Variants in CR1 observed in about 807,000 individuals in gnomAD.
CR1 encodes the protein complement receptor type 1.
CR1 carries 116 observed loss-of-function variants against 187.3 expected under a neutral mutation model. That is an observed-to-expected ratio of 0.62 (90% CI 0.53 to 0.72). CR1 has a LOEUF of 0.72. CR1 is among the 30% of genes least tolerant of loss of function. The pLI is 0.00. For missense variants in CR1, 1,731 were observed against 2,110.7 expected (o/e 0.82, Z 3.52); for synonymous variants, 576 against 747.1 (o/e 0.77, Z 3.73).
intron 5 of CR1, among the ~76,000 whole-genome samples, chr1:207,525,652 C>T (rs183017651): frequency 2.2e-3 from 330 of 151,614 alleles, no homozygotes; most frequent in African/African-American, 6.6e-3. Context: ...AACCAGAGCC[C>T]AGCTATCAAG....
At chr1:207,499,312 A>G (rs923944866) in intron 1 of CR1, among the ~76,000 whole-genome samples, 4 of 152,250 alleles carry the variant, frequency 2.6e-5, no homozygotes, top group Non-Finnish European at 5.9e-5. Context: ...AAGACGTAAC[A>G]ATATCCCATA....
chr1:207,515,260 C>T lies in CR1; in HGVS notation c.487+3606C>T, dbSNP rs61822966. On this transcript the variant is annotated intron_variant, in intron 4 of 46. Transcript: ENST00000367049. ...ATACATATACATATATAGGTATATACGTATACGTATACATATATAGGTATA... is the reference window on the plus strand; with the variant it reads ...ATACATATACATATATAGGTATATATGTATACGTATACATATATAGGTATA... Among the ~76,000 whole-genome samples the T allele has an allele frequency of 9.6e-3, 1,387 of 144,946 alleles. 10 individuals are homozygous for T. Among genetic ancestry groups the T allele is most frequent in the Non-Finnish European group, 0.015 (976 of 66,674 alleles).
chr1:207,518,155 T>G (rs1234170743), intron 4 of CR1, among the ~76,000 whole-genome samples: 2 of 152,324 alleles, frequency 1.3e-5, no homozygotes, highest in Middle Eastern at 3.4e-3. Context: ...TTTATTATCA[T>G]TGTACATAAA....
chr1:207,638,163 A>G (rs1415003491), intron 46 of CR1, among the ~76,000 whole-genome samples: 7 of 152,114 alleles, frequency 4.6e-5, no homozygotes, highest in Admixed American at 4.6e-4. Context: ...AGTTCTTTCA[A>G]CTATGGCCTG....
At chr1:207,585,024 G>A in intron 33 of CR1, 148 bp downstream of exon 33, 1 of 1,292,688 alleles carries the variant, frequency 7.7e-7, no homozygotes, top group Non-Finnish European at 1.1e-6. Context: ...AGCTAAAACA[G>A]ATGGGTTTCA....
At chr1:207,498,454 A>T (rs1409468865) in intron 1 of CR1, among the ~76,000 whole-genome samples, 1 of 152,228 alleles carries the variant, frequency 6.6e-6, no homozygotes, top group Admixed American at 6.5e-5. Flanking sequence ...GTGCTATTTG[A>T]AAGAGGACTT....
At chr1:207,610,218 C>T (rs1281545667) in intron 37 of CR1, among the ~76,000 whole-genome samples, 3 of 151,832 alleles carry the variant, frequency 2.0e-5, no homozygotes, top group African/African-American at 4.8e-5. Context: ...TTGCTCAAAT[C>T]CAAACAAATA....
At position 207,580,596 on chromosome 1, in the gene CR1, C is replaced by T. The variant is rs1660905920; in HGVS notation, c.5199C>T (p.Ser1733=). 1 of 1,613,192 alleles carries T rather than the reference C, an allele frequency of 6.2e-7. No individual in the cohort carries two copies. Among genetic ancestry groups the T allele is most frequent in the Non-Finnish European group, 8.5e-7 (1 of 1,179,730 alleles). ...PLNLQLGAKV[S]FVCDEGFRLK... is the part of the protein sequence containing the mutation. ...ATCTCCAGCTTGGGGCAAAGGTGTC[C>T]TTTGTCTGTGATGAAGGGTAAGTGT... The change falls in exon 31 of 47, where the codon TCC becomes TCT. Residue 1733 remains serine, a synonymous_variant. Coordinates refer to ENST00000367049, the MANE Select transcript of CR1 (RefSeq NM_000651.6).
At chr1:207,629,382 A>T (rs546286917) in intron 45 of CR1, among the ~76,000 whole-genome samples, 2 of 152,036 alleles carry the variant, frequency 1.3e-5, no homozygotes, top group South Asian at 4.2e-4. Flanking sequence ...CCAAAACCCC[A>T]TGTACCACTC....
At chr1:207,638,519 T>C (rs1014415038) in intron 46 of CR1, among the ~76,000 whole-genome samples, 1 of 152,190 alleles carries the variant, frequency 6.6e-6, no homozygotes, top group Non-Finnish European at 1.5e-5. Context: ...CAAACTGTTT[T>C]CCTTGAATAA....
intron 37 of CR1, among the ~76,000 whole-genome samples, chr1:207,611,370 G>C (rs944217541): frequency 1.3e-5 from 2 of 152,158 alleles, no homozygotes; most frequent in Admixed American, 1.3e-4. Flanking sequence ...CAAACCACCC[G>C]CACTCACGAC....
At chr1:207,513,784 T>TTTCCTTCC (rs1553287524) in intron 4 of CR1, among the ~76,000 whole-genome samples, 64 of 95,298 alleles carry the variant, frequency 6.7e-4, no homozygotes, top group African/African-American at 3.3e-3. Flanking sequence ...TCCTTCCTTC[T>TTTCCTTCC]TTCCTTCCTT....
chr1:207,523,957 G>A lies in CR1; in HGVS notation c.834G>A (p.Val278=). 2 of 1,611,800 alleles carry A rather than the reference G, an allele frequency of 1.2e-6. No individual in the cohort carries two copies. The highest frequency in any genetic ancestry group is 1.7e-6 in the Non-Finnish European group (2 of 1,179,714). The part of the protein sequence containing the change: ...PGFVMKGPRR[V]KCQALNKWEP... ...TTGTCATGAAAGGACCCCGCCGTGTGAAGTGCCAGGCCCTGAACAAATGGG... is the reference window on the plus strand; with the variant it reads ...TTGTCATGAAAGGACCCCGCCGTGTAAAGTGCCAGGCCCTGAACAAATGGG... The change falls in exon 5 of 47, where the codon GTG becomes GTA. Residue 278 remains valine, a synonymous_variant. Transcript: ENST00000367049.
chr1:207,628,775 A>G (rs1662558643), intron 45 of CR1, among the ~76,000 whole-genome samples: 1 of 152,088 alleles, frequency 6.6e-6, no homozygotes, highest in African/African-American at 2.4e-5. Flanking sequence ...TTTTCTCCCT[A>G]TATTTTACTG....
intron 4 of CR1, among the ~76,000 whole-genome samples, chr1:207,520,946 G>T: frequency 9.1e-6 from 1 of 109,546 alleles, no homozygotes; most frequent in African/African-American, 3.5e-5. Context: ...GCTTGGGTTT[G>T]CACATTTTTT....
At chr1:207,505,867 C>T in intron 1 of CR1, 37 bp from the exon 2 acceptor site, 1 of 1,575,666 alleles carries the variant, frequency 6.3e-7, no homozygotes, top group Middle Eastern at 1.7e-4. Context: ...GGTAATTTCT[C>T]CATTAACTTT....
intron 46 of CR1, among the ~76,000 whole-genome samples, chr1:207,632,559 C>A (rs1344273425): frequency 1.3e-5 from 2 of 152,050 alleles, no homozygotes; most frequent in East Asian, 3.9e-4. Flanking sequence ...GCGGCCGAGG[C>A]GAGTGGATCA....
intron 2 of CR1, 75 bp downstream of exon 2, chr1:207,506,158 G>A: frequency 1.3e-6 from 2 of 1,542,504 alleles, no homozygotes; most frequent in Non-Finnish European, 1.8e-6. Flanking sequence ...TTCAAATTTT[G>A]TAACTGAGTT....
chr1:207,568,138 T>A, intron 25 of CR1, 96 bp downstream of exon 25: 12 of 1,597,250 alleles, frequency 7.5e-6, no homozygotes, highest in Non-Finnish European at 1.0e-5. Flanking sequence ...TATTTGTATG[T>A]ATGCATTTGC....
Sources: allele counts gnomAD v4.1 joint callset (sites outside exome capture counted in the v4.1 genomes callset), GRCh38; gene constraint gnomAD v4.1.1; transcripts MANE v1.5; gene names NCBI Gene and HGNC (gene_info 2026-07-23, HGNC 2026-07-21).